Variants in DPF3 observed in about 807,000 individuals in gnomAD.
The protein encoded by DPF3 is zinc finger protein DPF3.
In DPF3, 18 loss-of-function variants were observed where a neutral mutation model predicts 56.8. The ratio of observed to expected loss-of-function variants is 0.32; its 90% CI spans 0.22 to 0.47. The LOEUF (loss-of-function observed/expected upper bound fraction) is 0.47. Ranked by LOEUF, DPF3 falls within the 20% of genes least tolerant of loss-of-function variation. The pLI is 1.00. For synonymous variants in DPF3, 188 were observed against 180.2 expected, an observed-to-expected ratio of 1.04 and a Z score of -0.35; for missense variants, 403 against 488.8, an observed-to-expected ratio of 0.82 and a Z score of 1.65.
intron 5 of DPF3, among the ~76,000 whole-genome samples, chr14:72,723,062 T>G (rs1181162365): frequency 1.3e-5 from 2 of 152,124 alleles, no homozygotes; most frequent in Admixed American, 1.3e-4. Flanking sequence ...ATACTTTAAG[T>G]TTTAGGGTAC....
intron 1 of DPF3, among the ~76,000 whole-genome samples, chr14:72,852,109 GCCC>G (rs1204125471): frequency 6.6e-6 from 1 of 152,254 alleles, no homozygotes. Flanking sequence ...CGGGCTTTCA[GCCC>G]CAGTTCTGGT....
Position 72,615,500 on chromosome 14 carries a change from C to G in DPF3, c.*3797G>C, listed in dbSNP as rs1260244167. Among the ~76,000 whole-genome samples, 45 of 152,216 alleles carry G rather than the reference C, an allele frequency of 3.0e-4. No individual in the cohort carries two copies. The highest frequency in any genetic ancestry group is 2.9e-5 in the Non-Finnish European group (2 of 68,036). On this transcript the variant is annotated 3_prime_UTR_variant, in exon 11 of 11. Transcript: ENST00000556509. ...ACAAAAATGCACCAGGAGTGTGCAA[C>G]CCTCCAGGGTATCATGAAACCATCA...
At chr14:72,699,448 G>C (rs1386381131) in intron 6 of DPF3, among the ~76,000 whole-genome samples, 2 of 150,968 alleles carry the variant, frequency 1.3e-5, no homozygotes, top group Non-Finnish European at 2.9e-5. Context: ...CTTGAGCCCA[G>C]GAGGTCGAGG....
chr14:72,810,690 C>T (rs187775862), intron 1 of DPF3, among the ~76,000 whole-genome samples: 1 of 152,244 alleles, frequency 6.6e-6, no homozygotes, highest in East Asian at 1.9e-4. Context: ...AGCAAGCACC[C>T]ACATCACGTT....
chr14:72,686,568 T>C (rs1887420892), intron 7 of DPF3, among the ~76,000 whole-genome samples: 1 of 152,222 alleles, frequency 6.6e-6, no homozygotes, highest in Non-Finnish European at 1.5e-5. Context: ...AGGATGTAGA[T>C]GACCTTTGAG....
intron 1 of DPF3, among the ~76,000 whole-genome samples, chr14:72,774,204 T>C (rs4903056): frequency 0.93 from 139,739 of 149,542 alleles, 65,336 homozygotes; most frequent in East Asian, 1. Flanking sequence ...CAGAAGGTTG[T>C]GGTGAGTTGG....
chr14:72,892,248 T>A, intron 1 of DPF3: 2 of 1,535,526 alleles, frequency 1.3e-6, no homozygotes, highest in Non-Finnish European at 1.7e-6. Flanking sequence ...AAATCAGTTG[T>A]GGGTTCGGTA....
At chr14:72,701,730 T>C (rs928564831) in intron 6 of DPF3, among the ~76,000 whole-genome samples, 2 of 152,172 alleles carry the variant, frequency 1.3e-5, no homozygotes, top group African/African-American at 4.8e-5. Context: ...GAGCCAGTGG[T>C]TTCCGAGAGA....
chr14:72,635,691 A>G (rs929836515), intron 8 of DPF3, among the ~76,000 whole-genome samples: 1 of 152,228 alleles, frequency 6.6e-6, no homozygotes, highest in Non-Finnish European at 1.5e-5. Flanking sequence ...TATTCAGTAC[A>G]TTGAGAGAAA....
At position 72,611,122 on chromosome 14, in the gene DPF3, A is replaced by C. The variant is rs1883698038; in HGVS notation, c.*8175T>G. On this transcript the variant is annotated 3_prime_UTR_variant, in exon 11 of 11. Transcript: ENST00000556509. Reference sequence around the variant, plus strand: ...GGAGCCTTCCCTTGGGCCACCCCCCACAGAGAAGCTATAGCTCTGAGCCAA... The same window carrying C: ...GGAGCCTTCCCTTGGGCCACCCCCCCCAGAGAAGCTATAGCTCTGAGCCAA... 6.6e-6 allele frequency among the ~76,000 whole-genome samples: 1 copy of C among 151,484 alleles called. No homozygotes were observed. Among genetic ancestry groups the C allele is most frequent in the Non-Finnish European group, 1.5e-5 (1 of 67,880 alleles).
In DPF3 at chr14:72,892,737, C is replaced by T. The variant is rs945354376; in HGVS notation, c.32+1320G>A. 4.1e-6 allele frequency: 4 copies of T among 983,650 alleles called. No homozygotes were observed. The African/African-American group carries it at 5.2e-5, about 13-fold the overall frequency. The allele number at this position is 983,650 out of a possible 1,614,324, so 60.9% of individuals were successfully genotyped here. ...CGCCCCCCACCCGACCTGCACCTCC[C>T]TCTGCCACTTCGCCTGCGGCTTCGT... On this transcript the variant is annotated intron_variant, in intron 1 of 10. Coordinates refer to ENST00000556509, the MANE Select transcript of DPF3 (RefSeq NM_001280542.3).
At chr14:72,647,861 A>C (rs1382731083) in intron 8 of DPF3, among the ~76,000 whole-genome samples, 1 of 152,212 alleles carries the variant, frequency 6.6e-6, no homozygotes, top group Non-Finnish European at 1.5e-5. Flanking sequence ...TATTGAGGGC[A>C]GTGAGGCAGA....
At chr14:72,662,842 G>A (rs1173982564) in intron 8 of DPF3, 5 of 984,670 alleles carry the variant, frequency 5.1e-6, no homozygotes, top group Non-Finnish European at 4.8e-6. Flanking sequence ...GACTGCAGAG[G>A]GAAAGGCAAT....
chr14:72,656,146 C>T (rs1432749355), intron 8 of DPF3, among the ~76,000 whole-genome samples: 1 of 152,198 alleles, frequency 6.6e-6, no homozygotes, highest in Non-Finnish European at 1.5e-5. Context: ...AATCCACAAA[C>T]CTTTCCTTAA....
intron 1 of DPF3, among the ~76,000 whole-genome samples, chr14:72,855,900 A>C (rs139566850): frequency 2.7e-4 from 41 of 152,306 alleles, no homozygotes; most frequent in Non-Finnish European, 5.7e-4. Context: ...CCCACATCAC[A>C]ATCCCTGTAC....
chr14:72,661,171 GATT>G (rs1886196141), intron 8 of DPF3: 2 of 985,350 alleles, frequency 2.0e-6, no homozygotes, highest in Non-Finnish European at 2.4e-6. Flanking sequence ...TTGGAAAGCA[GATT>G]ATTATGATAA....
At chr14:72,832,883 A>C (rs1424889251) in intron 1 of DPF3, among the ~76,000 whole-genome samples, 1 of 152,180 alleles carries the variant, frequency 6.6e-6, no homozygotes, top group East Asian at 1.9e-4. Flanking sequence ...TGAAGATTTG[A>C]GGGAACACAA....
intron 6 of DPF3, among the ~76,000 whole-genome samples, chr14:72,701,767 C>G (rs1888173585): frequency 6.6e-6 from 1 of 152,176 alleles, no homozygotes; most frequent in African/African-American, 2.4e-5. Flanking sequence ...AAGGCAATTA[C>G]AGGATGAGCA....
chr14:72,770,501 G>A (rs1891477305), intron 2 of DPF3, among the ~76,000 whole-genome samples: 1 of 152,218 alleles, frequency 6.6e-6, no homozygotes, highest in Non-Finnish European at 1.5e-5. Context: ...CTCTGATAGT[G>A]ATTGTGAGTG....
Sources: allele counts gnomAD v4.1 joint callset (sites outside exome capture counted in the v4.1 genomes callset), GRCh38; gene constraint gnomAD v4.1.1; transcripts MANE v1.5; gene names NCBI Gene and HGNC (gene_info 2026-07-23, HGNC 2026-07-21).